Variants in HIVEP1 observed in about 807,000 individuals in gnomAD.
HIVEP1 encodes HIVEP zinc finger 1, also known as zinc finger protein 40.
In HIVEP1, 36 loss-of-function variants were observed where a neutral mutation model predicts 180.0. The observed-to-expected ratio is 0.20, with a 90% CI of 0.15 to 0.26. HIVEP1 has a LOEUF of 0.26. Among genes scored for constraint, HIVEP1 ranks in the 10% least tolerant of loss-of-function variants. The probability of loss-of-function intolerance (pLI) is 1.00; values close to 1 mark genes in which losing one functional copy is unlikely to be tolerated. For synonymous variants in HIVEP1, 1,239 were observed against 1,239.0 expected (o/e 1.00, Z 0.00); for missense variants, 3,143 against 3,268.7 (o/e 0.96, Z 0.94).
intron 2 of HIVEP1, chr6:12,038,303 A>T (rs1769427596): frequency 6.6e-6 from 1 of 152,156 alleles, no homozygotes; most frequent in Non-Finnish European, 1.5e-5. Flanking sequence ...TATTTTATGC[A>T]TTTTAAAACA....
intron 2 of HIVEP1, among the ~76,000 whole-genome samples, chr6:12,050,698 G>C (rs1315499416): frequency 6.6e-6 from 1 of 151,932 alleles, no homozygotes; most frequent in East Asian, 1.9e-4. Flanking sequence ...TCTCGCAGTC[G>C]GGCCCTGTCA....
intron 2 of HIVEP1, 116 bp downstream of exon 2, chr6:12,015,784 A>G (rs889181117): frequency 2.5e-6 from 2 of 809,074 alleles, no homozygotes; most frequent in Non-Finnish European, 2.1e-6. Context: ...GAGGAGCGCT[A>G]TTTCTCTTGC....
At chr6:12,139,895 A>G (rs1028184580) in intron 7 of HIVEP1, among the ~76,000 whole-genome samples, 2 of 152,248 alleles carry the variant, frequency 1.3e-5, no homozygotes, top group African/African-American at 4.8e-5. Flanking sequence ...TGTAGTCTCC[A>G]CCTCTGGGGG....
intron 2 of HIVEP1, among the ~76,000 whole-genome samples, chr6:12,019,985 A>G (rs1768080780): frequency 6.6e-6 from 1 of 152,252 alleles, no homozygotes; most frequent in African/African-American, 2.4e-5. Context: ...GGATTTGAAA[A>G]TTAAGCCTGC....
the HIVEP1 span, among the ~76,000 whole-genome samples, chr6:12,210,327 A>C: frequency 0.051 from 7,797 of 152,304 alleles, 439 homozygotes; most frequent in African/African-American, 0.14. Context: ...TTCTCACCAT[A>C]GCCTTCAAGA....
intron 7 of HIVEP1, among the ~76,000 whole-genome samples, chr6:12,156,283 G>A (rs1448715508): frequency 6.6e-6 from 1 of 151,656 alleles, no homozygotes; most frequent in African/African-American, 2.4e-5. Context: ...TTTCCTTTTG[G>A]TGTTTTCGTC....
Position 12,012,547 on chromosome 6 carries a change from GC to G in HIVEP1, c.-121del. Reference sequence around the variant, plus strand: ...GGCCGGCTGCAGCGGCAGCGGCTCCGCCGGGCGTCCTGGCAGCAGGTTCGGC... The same window carrying G: ...GGCCGGCTGCAGCGGCAGCGGCTCCGCGGGCGTCCTGGCAGCAGGTTCGGC... On this transcript the variant is annotated 5_prime_UTR_variant, in exon 1 of 9. Coordinates refer to ENST00000379388, the MANE Select transcript of HIVEP1 (RefSeq NM_002114.4). 6.7e-6 allele frequency: 1 copy of G among 150,096 alleles called. No individual in the cohort carries two copies. Among genetic ancestry groups the G allele is most frequent in the South Asian group, 2.1e-4 (1 of 4,844 alleles). 9.3% of individuals were successfully genotyped at this position (150,096 alleles called of 1,614,324 possible). A position where few individuals can be genotyped will look rare whatever the true frequency, so the allele number is the denominator to read the frequency against.
intron 1 of HIVEP1, 46 bp from the exon 2 acceptor site, chr6:12,015,480 C>T (rs1233111927): frequency 4.5e-6 from 3 of 661,776 alleles, no homozygotes; most frequent in Non-Finnish European, 8.0e-6. Context: ...GTATCTTTCT[C>T]CTCTGAAGGT....
At position 12,122,711 on chromosome 6, in the gene HIVEP1, A is replaced by G. The variant is rs753286141; in HGVS notation, c.2916A>G (p.Glu972=). The change falls in exon 4 of 9, where the codon GAA becomes GAG. Residue 972 remains glutamate (E), a synonymous_variant. Coordinates refer to ENST00000379388, the MANE Select transcript of HIVEP1 (RefSeq NM_002114.4). ...ETCRNRYRKL[E]NFENHKKFYC... is the part of the protein sequence containing the mutation. ...GTAGAAACAGGTATAGGAAACTGGA[A>G]AATTTTGAAAATCATAAGAAATTTT... The G allele has an allele frequency of 6.2e-7, 1 of 1,613,964 alleles. No individual in the cohort carries two copies. The highest frequency in any genetic ancestry group is 1.3e-5 in the African/African-American group (1 of 75,014).
the HIVEP1 span, among the ~76,000 whole-genome samples, chr6:12,174,485 C>T: frequency 6.6e-6 from 1 of 152,128 alleles, no homozygotes; most frequent in African/African-American, 2.4e-5. Context: ...ACCCCCAGGT[C>T]AGTGCTCTGA....
chr6:12,196,309 A>AGT, the HIVEP1 span, among the ~76,000 whole-genome samples: 1 of 152,220 alleles, frequency 6.6e-6, no homozygotes, highest in Non-Finnish European at 1.5e-5. Flanking sequence ...AATTCCAATA[A>AGT]GAGGTATGTT....
chr6:12,084,806 C>T (rs930646642), intron 2 of HIVEP1, among the ~76,000 whole-genome samples: 2 of 152,038 alleles, frequency 1.3e-5, no homozygotes, highest in East Asian at 1.9e-4. Context: ...CGGGTGCTAG[C>T]GCAGAGGCTA....
chr6:12,045,549 T>C (rs1228217867), intron 2 of HIVEP1, among the ~76,000 whole-genome samples: 1 of 152,230 alleles, frequency 6.6e-6, no homozygotes, highest in African/African-American at 2.4e-5. Flanking sequence ...GATTGTGCAG[T>C]GAGCACAGCC....
chr6:12,097,544 A>C (rs1773852829), intron 3 of HIVEP1, among the ~76,000 whole-genome samples: 1 of 152,168 alleles, frequency 6.6e-6, no homozygotes, highest in Admixed American at 6.5e-5. Flanking sequence ...TTTTACTATT[A>C]AAATTTCAAA....
the HIVEP1 span, among the ~76,000 whole-genome samples, chr6:12,204,243 T>C: frequency 2.0e-5 from 3 of 149,256 alleles, no homozygotes; most frequent in East Asian, 3.9e-4. Context: ...CTGTCTATCA[T>C]AGGACACTTC....
intron 4 of HIVEP1, among the ~76,000 whole-genome samples, chr6:12,126,246 T>G (rs767843311): frequency 2.6e-5 from 4 of 152,336 alleles, no homozygotes; most frequent in East Asian, 1.9e-4. Flanking sequence ...GCTTTGTTCC[T>G]CCTCATGCAG....
At chr6:12,073,960 C>T (rs1327988216) in intron 2 of HIVEP1, among the ~76,000 whole-genome samples, 1 of 152,158 alleles carries the variant, frequency 6.6e-6, no homozygotes, top group East Asian at 1.9e-4. Context: ...ACCACACACT[C>T]CCCACCTCAC....
intron 6 of HIVEP1, among the ~76,000 whole-genome samples, chr6:12,134,864 C>T (rs1011432622): frequency 6.6e-6 from 1 of 152,210 alleles, no homozygotes; most frequent in Non-Finnish European, 1.5e-5. Flanking sequence ...GAGACTTATA[C>T]TCTGTATGTG....
the HIVEP1 span, among the ~76,000 whole-genome samples, chr6:12,180,926 C>T: frequency 0.011 from 1,750 of 152,242 alleles, 30 homozygotes; most frequent in African/African-American, 0.04. Flanking sequence ...TTAAGATAGA[C>T]GTAGCTATAT....
Sources: allele counts gnomAD v4.1 joint callset (sites outside exome capture counted in the v4.1 genomes callset), GRCh38; gene constraint gnomAD v4.1.1; transcripts MANE v1.5; gene names NCBI Gene and HGNC (gene_info 2026-07-23, HGNC 2026-07-21).